Variants in TTC23 observed in about 807,000 individuals in gnomAD.
The protein encoded by TTC23 is tetratricopeptide repeat domain 23.
In TTC23, 58 loss-of-function variants were observed where a neutral mutation model predicts 55.1. The observed-to-expected ratio is 1.05, with a 90% CI of 0.85 to 1.31. The LOEUF (loss-of-function observed/expected upper bound fraction) is 1.31, where lower values mean the gene tolerates loss of function less well. Ranked by LOEUF, TTC23 falls within the 50% of genes most tolerant of loss-of-function variation. The pLI, the probability that TTC23 is intolerant of heterozygous loss-of-function variation, is 0.00. For synonymous variants in TTC23, 203 were observed against 199.9 expected (o/e 1.02, Z -0.13); for missense variants, 516 against 534.4 (o/e 0.97, Z 0.34).
chr15:99,195,632 C>T (rs1043212200), intron 9 of TTC23, among the ~76,000 whole-genome samples: 5 of 152,006 alleles, frequency 3.3e-5, no homozygotes, highest in Non-Finnish European at 7.4e-5. Flanking sequence ...AGCCACTCTG[C>T]GTGATATTAT....
intron 4 of TTC23, among the ~76,000 whole-genome samples, chr15:99,230,491 G>A (rs937791507): frequency 2.0e-5 from 3 of 152,062 alleles, no homozygotes; most frequent in Non-Finnish European, 4.4e-5. Context: ...TAAAGCCAGA[G>A]ATCCAAGAAG....
At chr15:99,152,168 G>C (rs2069861234) in intron 12 of TTC23, among the ~76,000 whole-genome samples, 1 of 152,110 alleles carries the variant, frequency 6.6e-6, no homozygotes, top group Admixed American at 6.6e-5. Flanking sequence ...TTAAAAGTAT[G>C]TGGCACTTCC....
intron 8 of TTC23, among the ~76,000 whole-genome samples, chr15:99,215,850 A>G (rs1191880907): frequency 2.0e-5 from 3 of 152,224 alleles, no homozygotes; most frequent in Non-Finnish European, 4.4e-5. Context: ...GATTAATCTA[A>G]AAGAAAGCAA....
chr15:99,139,504 T>C (rs782595589), intron 12 of TTC23, 105 bp from the exon 13 acceptor site: 17 of 1,563,874 alleles, frequency 1.1e-5, no homozygotes, highest in Admixed American at 1.9e-5. Context: ...TCTTAGGCCC[T>C]GCTGTGATGG....
At position 99,242,043 on chromosome 15, in the gene TTC23, G is replaced by GA. The variant is rs2079850517; in HGVS notation, c.-308-485dup. Among the ~76,000 whole-genome samples, 3 of 151,792 alleles carry GA rather than the reference G, an allele frequency of 2.0e-5. No homozygotes were observed. The South Asian group carries it at 6.2e-4, about 31-fold the overall frequency. ...GCTACTTGGGAGGCTGACGGGAGAG[G>GA]ACTGCTTGAGCCCAGGAGGCGGAGG... On this transcript the variant is annotated intron_variant, in intron 2 of 13. Coordinates refer to ENST00000394132, the MANE Select transcript of TTC23 (RefSeq NM_001288615.3).
At chr15:99,153,423 C>T (rs937291088) in intron 12 of TTC23, among the ~76,000 whole-genome samples, 2 of 152,110 alleles carry the variant, frequency 1.3e-5, no homozygotes, top group African/African-American at 2.4e-5. Flanking sequence ...ACACGTGTTA[C>T]CAAATCTACT....
chr15:99,248,407 A>G (rs1430817170), intron 1 of TTC23: 1 of 152,236 alleles, frequency 6.6e-6, no homozygotes, highest in East Asian at 1.9e-4. Context: ...AAGTTTCCAA[A>G]TGAACCTTCT....
intron 6 of TTC23, among the ~76,000 whole-genome samples, chr15:99,220,342 T>A (rs2077817739): frequency 6.6e-6 from 1 of 152,218 alleles, no homozygotes; most frequent in Non-Finnish European, 1.5e-5. Context: ...ATACTACTTT[T>A]ACTTTAAATT....
chr15:99,173,409 T>A (rs1343643297), intron 10 of TTC23, among the ~76,000 whole-genome samples: 3 of 152,070 alleles, frequency 2.0e-5, no homozygotes, highest in Non-Finnish European at 1.5e-5. Context: ...TTGGCAAGAC[T>A]CTGTCTTTAA....
At chr15:99,139,521 CA>C (rs1555489144) in intron 12 of TTC23, 122 bp from the exon 13 acceptor site, 2 of 1,553,190 alleles carry the variant, frequency 1.3e-6, no homozygotes, top group African/African-American at 2.7e-5. Context: ...ATGGAATTAG[CA>C]TGCTCCTGGG....
Position 99,199,481 on chromosome 15 carries a change from C to T in TTC23, c.759+438G>A, listed in dbSNP as rs117699431. 4.3e-4 allele frequency among the ~76,000 whole-genome samples: 61 copies of T among 142,354 alleles called. No homozygotes were observed. In the East Asian group the frequency reaches 0.012, roughly 27 times the overall value. The allele number at this position is 142,354 out of a possible 152,430, so 93.4% of individuals were successfully genotyped here. ...GTTTGTGTGTGTGTGTGTGTGTGTACGTATCCTATTGGTTCTGTTTCTCTG... is the reference window on the plus strand; with the variant it reads ...GTTTGTGTGTGTGTGTGTGTGTGTATGTATCCTATTGGTTCTGTTTCTCTG... On this transcript the variant is annotated intron_variant, in intron 9 of 13. Transcript: ENST00000394132.
intron 8 of TTC23, among the ~76,000 whole-genome samples, chr15:99,202,292 A>G (rs2076263027): frequency 6.6e-6 from 1 of 152,200 alleles, no homozygotes; most frequent in African/African-American, 2.4e-5. Context: ...GGAAAAAAAT[A>G]TTCATCTTTT....
chr15:99,223,864 T>C (rs2078161270), intron 5 of TTC23, among the ~76,000 whole-genome samples: 1 of 152,178 alleles, frequency 6.6e-6, no homozygotes, highest in African/African-American at 2.4e-5. Context: ...TGGGGTGTCA[T>C]GCAGCAACAG....
intron 1 of TTC23, among the ~76,000 whole-genome samples, chr15:99,246,335 G>C (rs1349063635): frequency 6.6e-6 from 1 of 152,246 alleles, no homozygotes; most frequent in Non-Finnish European, 1.5e-5. Flanking sequence ...GTAACATGGG[G>C]CTGGGCGTGG....
intron 9 of TTC23, among the ~76,000 whole-genome samples, chr15:99,188,781 T>C (rs1176244722): frequency 2.0e-5 from 3 of 152,096 alleles, no homozygotes; most frequent in African/African-American, 7.2e-5. Flanking sequence ...ATTCATTAGA[T>C]TGGAATTAAC....
intron 9 of TTC23, among the ~76,000 whole-genome samples, chr15:99,198,003 T>C (rs1435140233): frequency 6.6e-6 from 1 of 152,218 alleles, no homozygotes; most frequent in Non-Finnish European, 1.5e-5. Flanking sequence ...CTCTGTTTCA[T>C]TTGCTAGGTA....
intron 9 of TTC23, among the ~76,000 whole-genome samples, chr15:99,181,382 A>C (rs539351556): frequency 6.6e-6 from 1 of 152,306 alleles, no homozygotes; most frequent in South Asian, 2.1e-4. Context: ...TAAACACTTT[A>C]GAGGGATGCC....
intron 9 of TTC23, among the ~76,000 whole-genome samples, chr15:99,180,100 C>A (rs1461129148): frequency 1.3e-5 from 2 of 152,174 alleles, no homozygotes; most frequent in African/African-American, 4.8e-5. Flanking sequence ...ATGGGCCTCG[C>A]TGGGGCTCCA....
intron 12 of TTC23, among the ~76,000 whole-genome samples, chr15:99,147,651 C>CGTG (rs2069112420): frequency 6.6e-6 from 1 of 152,192 alleles, no homozygotes; most frequent in African/African-American, 2.4e-5. Flanking sequence ...TCTTTAAGCA[C>CGTG]ACTTCTCAAC....
Sources: gnomAD v4.1 joint callset for allele counts (sites outside exome capture counted in the v4.1 genomes callset) on GRCh38, gnomAD v4.1.1 for gene constraint, MANE v1.5 for transcripts, NCBI Gene and HGNC (gene_info 2026-07-23, HGNC 2026-07-21) for gene names.